The following GRM8 variants were observed in gnomAD, a reference collection of about 807,000 sequenced individuals.
The protein encoded by GRM8 is glutamate metabotropic receptor 8, also known as metabotropic glutamate receptor 8.
Under a neutral mutation model 87.2 loss-of-function variants are expected in GRM8, and 47 were observed. The ratio of observed to expected loss-of-function variants is 0.54; its 90% confidence interval spans 0.43 to 0.69. The LOEUF is 0.69. Ranked by LOEUF, GRM8 falls within the 30% of genes least tolerant of loss-of-function variation. GRM8 has a pLI of 0.00. For missense variants in GRM8, 1,019 were observed against 1,139.2 expected, an observed-to-expected ratio of 0.89 and a Z score of 1.52; for synonymous variants, 396 against 404.5, an observed-to-expected ratio of 0.98 and a Z score of 0.25.
At chr7:126,793,976 A>G (rs1339714450) in intron 6 of GRM8, among the ~76,000 whole-genome samples, 1 of 152,162 alleles carries the variant, frequency 6.6e-6, no homozygotes, top group Non-Finnish European at 1.5e-5. Context: ...CCAGTAAGGA[A>G]TTACTCTGGA....
chr7:126,938,775 G>C (rs1806596334), intron 3 of GRM8, among the ~76,000 whole-genome samples: 1 of 152,282 alleles, frequency 6.6e-6, no homozygotes, highest in East Asian at 1.9e-4. Flanking sequence ...AAAGTTATCT[G>C]AATTGATAAA....
intron 2 of GRM8, among the ~76,000 whole-genome samples, chr7:127,201,304 T>C (rs1011119221): frequency 5.9e-5 from 9 of 152,244 alleles, no homozygotes; most frequent in Non-Finnish European, 2.9e-5. Flanking sequence ...ATTCCCATTC[T>C]GAAGTAGAGT....
intron 8 of GRM8, among the ~76,000 whole-genome samples, chr7:126,595,928 C>A (rs73449250): frequency 1.3e-5 from 2 of 152,082 alleles, no homozygotes; most frequent in Non-Finnish European, 2.9e-5. Context: ...TTTCAGCTCA[C>A]GAGTTTGAGA....
At chr7:127,156,832 A>G (rs1359486802) in intron 2 of GRM8, among the ~76,000 whole-genome samples, 1 of 152,216 alleles carries the variant, frequency 6.6e-6, no homozygotes, top group Non-Finnish European at 1.5e-5. Context: ...AGAAGTTATA[A>G]AAATCTGAAA....
At chr7:126,476,259 G>T (rs571577825) in intron 9 of GRM8, among the ~76,000 whole-genome samples, 2 of 152,074 alleles carry the variant, frequency 1.3e-5, no homozygotes, top group South Asian at 4.2e-4. Context: ...CTAAAAATAT[G>T]AAAATAAAAA....
rs1485930929 is a variant in GRM8 at position 127,165,114 on chromosome 7, G to A, written c.511-58402C>T. 3.1e-5 allele frequency among the ~76,000 whole-genome samples: 4 copies of A among 129,736 alleles called. No homozygotes were observed. The East Asian group carries it at 6.9e-4, about 22-fold the overall frequency. The allele number at this position is 129,736 out of a possible 152,430, so 85.1% of individuals were successfully genotyped here. On this transcript the variant is annotated intron_variant, in intron 2 of 10. Coordinates refer to ENST00000339582, the MANE Select transcript of GRM8 (RefSeq NM_000845.3). ...CCTCATGGAGCTTCCTTTCTAGCAG[G>A]AGAGGCAGATAATAAACATGTAAAC...
chr7:127,146,073 C>T (rs1258258423), intron 2 of GRM8, among the ~76,000 whole-genome samples: 2 of 152,098 alleles, frequency 1.3e-5, no homozygotes, highest in East Asian at 3.9e-4. Flanking sequence ...AGATGAGCCA[C>T]AGCCAGTATT....
At chr7:126,591,578 GACAA>G (rs1420059179) in intron 8 of GRM8, among the ~76,000 whole-genome samples, 1 of 151,788 alleles carries the variant, frequency 6.6e-6, no homozygotes, top group Non-Finnish European at 1.5e-5. Context: ...AATTTCTTGA[GACAA>G]ACAAAAATGA....
chr7:127,073,756 G>A (rs1821964412), intron 3 of GRM8, among the ~76,000 whole-genome samples: 1 of 152,154 alleles, frequency 6.6e-6, no homozygotes, highest in Non-Finnish European at 1.5e-5. Context: ...AGGGCTCGAA[G>A]AGAGACCCAG....
At chr7:127,133,449 C>T (rs1827792713) in intron 2 of GRM8, among the ~76,000 whole-genome samples, 1 of 151,356 alleles carries the variant, frequency 6.6e-6, no homozygotes, top group Non-Finnish European at 1.5e-5. Flanking sequence ...TCTAAAAAAG[C>T]AAACAAAATC....
At chr7:126,869,557 A>G (rs1798902151) in intron 6 of GRM8, 1 of 152,210 alleles carries the variant, frequency 6.6e-6, no homozygotes, top group Admixed American at 6.5e-5. Flanking sequence ...CAGAATGGAT[A>G]CTGTGTTAGC....
chr7:126,751,964 CCTTGCTCA>C (rs963865218), intron 7 of GRM8, among the ~76,000 whole-genome samples: 6 of 152,114 alleles, frequency 3.9e-5, no homozygotes, highest in Non-Finnish European at 8.8e-5. Flanking sequence ...CCAACAAGAG[CCTTGCTCA>C]CTTGTTTTTA....
intron 3 of GRM8, among the ~76,000 whole-genome samples, chr7:126,992,781 C>T (rs1259067587): frequency 2.6e-5 from 4 of 151,620 alleles, no homozygotes; most frequent in Non-Finnish European, 5.9e-5. Flanking sequence ...AGAAGAAACA[C>T]CAGAGAGCGT....
intron 7 of GRM8, among the ~76,000 whole-genome samples, chr7:126,733,462 AAAAG>A (rs1468062031): frequency 6.6e-6 from 1 of 150,932 alleles, no homozygotes; most frequent in Non-Finnish European, 1.5e-5. Flanking sequence ...GCTTGGAAAA[AAAAG>A]AGGAAAAAAA....
intron 7 of GRM8, among the ~76,000 whole-genome samples, chr7:126,634,677 C>T (rs1544331): frequency 3.4e-4 from 45 of 134,186 alleles, no homozygotes; most frequent in African/African-American, 9.5e-4. Flanking sequence ...TCCTTCCTCC[C>T]CCCACCTTTC....
intron 8 of GRM8, 52 bp downstream of exon 8, chr7:126,609,310 C>T: frequency 2.2e-6 from 3 of 1,384,486 alleles, no homozygotes; most frequent in South Asian, 2.8e-5. Flanking sequence ...AAAAATAAAG[C>T]ATCCCTCCTG....
intron 3 of GRM8, among the ~76,000 whole-genome samples, chr7:127,036,556 A>G (rs1345103288): frequency 1.3e-5 from 2 of 152,218 alleles, no homozygotes; most frequent in Non-Finnish European, 2.9e-5. Flanking sequence ...AAGGAAGAGC[A>G]GCAGATCCCC....
intron 6 of GRM8, among the ~76,000 whole-genome samples, chr7:126,790,837 A>G (rs1437482369): frequency 2.0e-5 from 3 of 152,158 alleles, no homozygotes; most frequent in African/African-American, 7.2e-5. Flanking sequence ...ATGCCTGGTG[A>G]CTGGGTCGGT....
intron 6 of GRM8, among the ~76,000 whole-genome samples, chr7:126,900,505 GT>G (rs1250804642): frequency 2.0e-5 from 3 of 151,720 alleles, no homozygotes; most frequent in African/African-American, 4.8e-5. Flanking sequence ...TTGTTTGTTT[GT>G]TTTGTTTTGT....
Sources: gnomAD v4.1 joint callset for allele counts (sites outside exome capture counted in the v4.1 genomes callset) on GRCh38, gnomAD v4.1.1 for gene constraint, MANE v1.5 for transcripts, NCBI Gene and HGNC (gene_info 2026-07-23, HGNC 2026-07-21) for gene names.